The following SAXO2 variants were observed in gnomAD, a reference collection of about 807,000 sequenced individuals.
SAXO2 encodes the protein stabilizer of axonemal microtubules 2.
Under a neutral mutation model 18.7 loss-of-function variants are expected in SAXO2, and 17 were observed. The ratio of observed to expected loss-of-function variants is 0.91; its 90% confidence interval spans 0.62 to 1.36. The LOEUF (loss-of-function observed/expected upper bound fraction) is 1.36. Ranked by LOEUF, SAXO2 falls within the 40% of genes most tolerant of loss-of-function variation. The probability of loss-of-function intolerance (pLI) is 0.00; values close to 1 mark genes in which losing one functional copy is unlikely to be tolerated. For missense variants in SAXO2, 486 were observed against 562.6 expected (o/e 0.86, Z 1.38); for synonymous variants, 163 against 181.2 (o/e 0.90, Z 0.81).
chr15:82,271,634 C>T lies in SAXO2; in HGVS notation c.265C>T (p.Gln89Ter), dbSNP rs1465622642. 7 of 1,613,288 alleles carry T rather than the reference C, an allele frequency of 4.3e-6. No individual in the cohort carries two copies. The highest frequency in any genetic ancestry group is 1.7e-5 in the Admixed American group (1 of 59,864). ...TTATTGTCCTTATGAAATAGTTAAA[C>T]AGCCTCGCCATGTGCCAGAAGAATA... The part of the protein sequence containing the change: ...SDYCPYEIVK[Q>*]PRHVPEEYKP... The change falls in exon 3 of 4, where the codon CAG (glutamine) becomes TAG (stop). Residue 89 changes from glutamine (Q) to a stop codon, truncating the protein, a stop_gained. Coordinates refer to ENST00000682753, the MANE Select transcript of SAXO2 (RefSeq NM_001348699.2). LOFTEE classifies it high-confidence loss of function.
intron 2 of SAXO2, among the ~76,000 whole-genome samples, chr15:82,270,518 T>A (rs555121308): frequency 7.6e-4 from 116 of 152,248 alleles, no homozygotes; most frequent in African/African-American, 2.6e-3. Flanking sequence ...GAGAAAACAG[T>A]TAATTAGTCT....
At position 82,281,988 on chromosome 15, in the gene SAXO2, T is replaced by G. The variant is rs896082294; in HGVS notation, c.434-131T>G. 4.0e-6 allele frequency: 3 copies of G among 751,896 alleles called. No homozygotes were observed. The African/African-American group carries it at 5.3e-5, about 13-fold the overall frequency. The allele number at this position is 751,896 out of a possible 1,614,324, so 46.6% of individuals were successfully genotyped here. On this transcript the variant is annotated intron_variant, in intron 3 of 3. Coordinates refer to ENST00000682753, the MANE Select transcript of SAXO2 (RefSeq NM_001348699.2). ...GAAAGGAATCAGAGAAACTGTATTCTGATACTATTGTTTAGATTTCTAAAG... is the reference window on the plus strand; with the variant it reads ...GAAAGGAATCAGAGAAACTGTATTCGGATACTATTGTTTAGATTTCTAAAG...
chr15:82,273,434 T>G (rs2075289197), intron 3 of SAXO2, among the ~76,000 whole-genome samples: 1 of 152,184 alleles, frequency 6.6e-6, no homozygotes. Flanking sequence ...TAAATGCCTA[T>G]TTTATCTTTA....
Position 82,262,865 on chromosome 15 carries a change from G to A in SAXO2, c.-15G>A, listed in dbSNP as rs1411335332. ...GTGGAGAAGCTGCAAGTGCTGAGGC[G>A]CGGTGGAGGAAAGCATGGGAGCCAA... is the stretch of plus-strand genomic sequence containing the variant. On this transcript the variant is annotated 5_prime_UTR_variant, in exon 1 of 4. Coordinates refer to ENST00000682753, the MANE Select transcript of SAXO2 (RefSeq NM_001348699.2). 6.3e-7 allele frequency: 1 copy of A among 1,583,296 alleles called. No individual in the cohort carries two copies. Among genetic ancestry groups the A allele is most frequent in the Admixed American group, 1.8e-5 (1 of 55,402 alleles).
Position 82,281,699 on chromosome 15 carries a change from C to A in SAXO2, c.434-420C>A, listed in dbSNP as rs796594658. Among the ~76,000 whole-genome samples the A allele has an allele frequency of 7.9e-5, 12 of 151,928 alleles. 1 individual carries two copies. The highest frequency in any genetic ancestry group is 2.9e-4 in the African/African-American group (12 of 41,430). On this transcript the variant is annotated intron_variant, in intron 3 of 3. Transcript: ENST00000682753. ...CCATGAAGGGCACTTGATTTTATTT[C>A]AAGCCCTGGCTTTTAGACGTACCTT... is the stretch of plus-strand genomic sequence containing the variant.
At chr15:82,265,012 T>C in intron 1 of SAXO2, 2 of 480,768 alleles carry the variant, frequency 4.2e-6, no homozygotes, top group East Asian at 3.4e-5. Flanking sequence ...TTTCAGCTTC[T>C]ATAGTGTAAG....
intron 3 of SAXO2, among the ~76,000 whole-genome samples, chr15:82,272,398 C>T (rs868249323): frequency 2.6e-5 from 4 of 152,178 alleles, no homozygotes; most frequent in Non-Finnish European, 5.9e-5. Context: ...GCTAGACTAC[C>T]ACATAGGGGT....
chr15:82,282,633 T>C lies in SAXO2; in HGVS notation c.948T>C (p.Val316=). ...ACAGCACAAGCCATCTTGACTATGT[T>C]CCATATCAGGCCAACCATGTTGTTC... is the stretch of plus-strand genomic sequence containing the variant. The part of the protein sequence containing the change: ...LLNSTSHLDY[V]PYQANHVVPI... Residue 316 remains valine (V), a synonymous_variant, in exon 4 of 4, where the codon GTT becomes GTC. Transcript: ENST00000682753. 6.2e-7 allele frequency: 1 copy of C among 1,614,164 alleles called. No homozygotes were observed. The highest frequency in any genetic ancestry group is 8.5e-7 in the Non-Finnish European group (1 of 1,180,026).
chr15:82,272,343 T>C (rs1349190067), intron 3 of SAXO2, among the ~76,000 whole-genome samples: 3 of 152,340 alleles, frequency 2.0e-5, no homozygotes, highest in African/African-American at 7.2e-5. Context: ...TTCCTGATAC[T>C]GAACCTCAGA....
At position 82,283,044 on chromosome 15, in the gene SAXO2, T is replaced by G; in HGVS notation, c.1359T>G (p.Pro453=). 1 of 1,611,194 alleles carries G rather than the reference T, an allele frequency of 6.2e-7. No homozygotes were observed. Among genetic ancestry groups the G allele is most frequent in the East Asian group, 2.2e-5 (1 of 44,830 alleles). The change falls in exon 4 of 4, where the codon CCT becomes CCG. Residue 453 remains proline, a synonymous_variant. Transcript: ENST00000682753. ...QGHKFFRKII[P]AVKAF Reference sequence around the variant, plus strand: ...ATAAATTCTTCCGCAAGATTATTCCTGCAGTGAAGGCCTTCTAATAACCAA... The same window carrying G: ...ATAAATTCTTCCGCAAGATTATTCCGGCAGTGAAGGCCTTCTAATAACCAA...
chr15:82,263,114 C>G lies in SAXO2; in HGVS notation c.53+182C>G. 2.0e-6 allele frequency: 3 copies of G among 1,481,942 alleles called. No homozygotes were observed. The African/African-American group carries it at 4.3e-5, about 21-fold the overall frequency. 91.8% of individuals were successfully genotyped at this position (1,481,942 alleles called of 1,614,324 possible). On this transcript the variant is annotated intron_variant, in intron 1 of 3. Coordinates refer to ENST00000682753, the MANE Select transcript of SAXO2 (RefSeq NM_001348699.2). ...TACTCGCTCCTCACCCGCCTGCTAC[C>G]CGGGGGTAAAACGTTTGTTCGTAGC...
intron 1 of SAXO2, chr15:82,264,820 T>G: frequency 1.4e-6 from 1 of 689,912 alleles, no homozygotes. Context: ...CCTAACAACT[T>G]CTAGCTCCAA....
rs1174267374 is a variant in SAXO2, at chr15:82,274,274, C to A, written c.433+2472C>A. On this transcript the variant is annotated intron_variant, in intron 3 of 3. Coordinates refer to ENST00000682753, the MANE Select transcript of SAXO2 (RefSeq NM_001348699.2). ...TCTGGCATTCTCACTACTGAACTTTCTTAGTCAACAAAGGTGATATTTTGT... is the reference window on the plus strand; with the variant it reads ...TCTGGCATTCTCACTACTGAACTTTATTAGTCAACAAAGGTGATATTTTGT... 3.3e-5 allele frequency among the ~76,000 whole-genome samples: 5 copies of A among 152,076 alleles called. No individual in the cohort carries two copies. The South Asian group carries it at 1.0e-3, about 32-fold the overall frequency.
chr15:82,269,838 G>C (rs2075254436), intron 2 of SAXO2, among the ~76,000 whole-genome samples: 1 of 152,100 alleles, frequency 6.6e-6, no homozygotes, highest in South Asian at 2.1e-4. Context: ...TTAGATTTGA[G>C]GGATATTTAT....
rs200940350 is a variant in SAXO2, at chr15:82,282,923, A to G, written c.1238A>G (p.Tyr413Cys). 1 of 1,614,082 alleles carries G rather than the reference A, an allele frequency of 6.2e-7. No individual in the cohort carries two copies. The highest frequency in any genetic ancestry group is 8.5e-7 in the Non-Finnish European group (1 of 1,180,004). Residue 413 changes from tyrosine (Y) to cysteine (C), a missense_variant, in exon 4 of 4, where the codon TAC (tyrosine) becomes TGC (cysteine). Coordinates refer to ENST00000682753, the MANE Select transcript of SAXO2 (RefSeq NM_001348699.2). ...GTTCCATTTGATGATGTAACCATGT[A>G]CTCTGTAGAGTACACACCGAAAAGA... ...SSVPFDDVTM[Y>C]SVEYTPKRQE...
At chr15:82,265,895 G>GAAA in intron 2 of SAXO2, 147 bp downstream of exon 2, 1 of 353,118 alleles carries the variant, frequency 2.8e-6, no homozygotes, top group Non-Finnish European at 4.6e-6. Flanking sequence ...GTCACAACTT[G>GAAA]AAAAAAAAAA....
intron 2 of SAXO2, among the ~76,000 whole-genome samples, chr15:82,268,366 C>T (rs1360063518): frequency 6.6e-6 from 1 of 152,082 alleles, no homozygotes; most frequent in Non-Finnish European, 1.5e-5. Flanking sequence ...TCAAGTAAGC[C>T]TTAATAATTT....
chr15:82,266,566 G>C (rs576572997), intron 2 of SAXO2, among the ~76,000 whole-genome samples: 1 of 151,862 alleles, frequency 6.6e-6, no homozygotes, highest in Non-Finnish European at 1.5e-5. Flanking sequence ...TCATTTCCTT[G>C]AAAGTGCCAG....
Position 82,271,645 on chromosome 15 carries a change from T to A in SAXO2, c.276T>A (p.His92Gln). 1.2e-6 allele frequency: 2 copies of A among 1,613,926 alleles called. No individual in the cohort carries two copies. The highest frequency in any genetic ancestry group is 1.7e-6 in the Non-Finnish European group (2 of 1,179,848). ...ATGAAATAGTTAAACAGCCTCGCCA[T>A]GTGCCAGAAGAATATAAACCAAAAC... is the stretch of plus-strand genomic sequence containing the variant. Reference protein sequence around the residue: ...CPYEIVKQPRHVPEEYKPKQG... With the variant: ...CPYEIVKQPRQVPEEYKPKQG... The change falls in exon 3 of 4, where the codon CAT becomes CAA. Residue 92 changes from histidine (H) to glutamine (Q), a missense_variant. Transcript: ENST00000682753.
Sources: gnomAD v4.1 joint callset for allele counts (sites outside exome capture counted in the v4.1 genomes callset) on GRCh38, gnomAD v4.1.1 for gene constraint, MANE v1.5 for transcripts, NCBI Gene and HGNC (gene_info 2026-07-23, HGNC 2026-07-21) for gene names.